Variants in LRMDA observed in about 807,000 individuals in gnomAD.
LRMDA encodes leucine-rich melanocyte differentiation-associated protein.
Under a neutral mutation model 29.8 loss-of-function variants are expected in LRMDA, and 18 were observed. That is an observed-to-expected ratio of 0.60 (90% confidence interval 0.42 to 0.90). The LOEUF (loss-of-function observed/expected upper bound fraction) is 0.90, where lower values mean the gene tolerates loss of function less well. Among genes scored for constraint, LRMDA ranks in the 40% least tolerant of loss-of-function variants. The pLI, the probability that LRMDA is intolerant of heterozygous loss-of-function variation, is 0.00. For synonymous variants in LRMDA, 125 were observed against 109.4 expected (o/e 1.14, Z -0.89); for missense variants, 273 against 273.9 (o/e 1.00, Z 0.02).
At chr10:76,510,080 G>GT (rs1047320348) in intron 6 of LRMDA, among the ~76,000 whole-genome samples, 20 of 152,164 alleles carry the variant, frequency 1.3e-4, no homozygotes, top group African/African-American at 4.6e-4. Flanking sequence ...TTTGTTTGTT[G>GT]TTTTTTCTGA....
Position 76,353,947 on chromosome 10 carries a change from G to T in LRMDA, c.601+29462G>T, listed in dbSNP as rs775233119. Among the ~76,000 whole-genome samples the T allele has an allele frequency of 1.2e-4, 19 of 152,228 alleles. No homozygotes were observed. The Middle Eastern group carries it at 0.01, about 82-fold the overall frequency. On this transcript the variant is annotated intron_variant, in intron 6 of 6. Transcript: ENST00000611255. ...TCTGTGGTCTGCTTTCTGTGATCTG[G>T]AGAATAGAAATGCTGTTCTGTATTT...
chr10:76,442,083 C>T (rs1842309517), intron 6 of LRMDA, among the ~76,000 whole-genome samples: 1 of 152,156 alleles, frequency 6.6e-6, no homozygotes, highest in South Asian at 2.1e-4. Context: ...CTGATGAAAA[C>T]CCTCATAATC....
intron 2 of LRMDA, among the ~76,000 whole-genome samples, chr10:75,729,812 A>G (rs1302052122): frequency 2.6e-5 from 4 of 152,178 alleles, no homozygotes; most frequent in African/African-American, 9.7e-5. Context: ...ATTGTTGTTT[A>G]AAGAGACAGA....
At chr10:76,104,927 A>G (rs1228223841) in intron 5 of LRMDA, among the ~76,000 whole-genome samples, 1 of 152,138 alleles carries the variant, frequency 6.6e-6, no homozygotes, top group Non-Finnish European at 1.5e-5. Context: ...TCTAGAATGT[A>G]CAAAGCAAGC....
chr10:75,621,092 G>A (rs889915570), intron 2 of LRMDA, among the ~76,000 whole-genome samples: 7 of 151,996 alleles, frequency 4.6e-5, no homozygotes, highest in African/African-American at 1.5e-4. Context: ...ACGATGTTTG[G>A]TTTTCCATTC....
intron 6 of LRMDA, among the ~76,000 whole-genome samples, chr10:76,538,331 G>A (rs1843312461): frequency 6.6e-6 from 1 of 151,632 alleles, no homozygotes; most frequent in Non-Finnish European, 1.5e-5. Context: ...GGAAAGCATA[G>A]ATGGACATGT....
intron 2 of LRMDA, among the ~76,000 whole-genome samples, chr10:75,853,145 A>G (rs942290318): frequency 6.6e-6 from 1 of 152,124 alleles, no homozygotes; most frequent in Admixed American, 6.5e-5. Context: ...TATGGGAACT[A>G]CAGTACAAGC....
At chr10:75,611,107 A>G (rs964637548) in intron 2 of LRMDA, among the ~76,000 whole-genome samples, 8 of 151,942 alleles carry the variant, frequency 5.3e-5, no homozygotes, top group African/African-American at 9.7e-5. Flanking sequence ...ACAGGGTGAG[A>G]GGGGCAAGGA....
intron 6 of LRMDA, among the ~76,000 whole-genome samples, chr10:76,443,280 C>T (rs777047623): frequency 1.3e-5 from 2 of 152,200 alleles, no homozygotes; most frequent in Non-Finnish European, 2.9e-5. Flanking sequence ...CTTGCAAATG[C>T]TGTTTTCCAA....
intron 5 of LRMDA, among the ~76,000 whole-genome samples, chr10:76,213,804 T>C (rs1454293451): frequency 6.6e-6 from 1 of 152,210 alleles, no homozygotes; most frequent in African/African-American, 2.4e-5. Context: ...TATTATTCAC[T>C]GGGGGGACAT....
intron 5 of LRMDA, among the ~76,000 whole-genome samples, chr10:76,103,480 A>G (rs1193114322): frequency 6.6e-6 from 1 of 152,202 alleles, no homozygotes; most frequent in Non-Finnish European, 1.5e-5. Flanking sequence ...AGAGCTGCCA[A>G]GGCATTTCCA....
chr10:75,790,668 C>T (rs1843550505), intron 2 of LRMDA, among the ~76,000 whole-genome samples: 1 of 152,216 alleles, frequency 6.6e-6, no homozygotes, highest in South Asian at 2.1e-4. Context: ...GAATCATGCA[C>T]AACTTATATT....
At chr10:76,036,645 C>T (rs1317316904) in intron 3 of LRMDA, among the ~76,000 whole-genome samples, 1 of 152,172 alleles carries the variant, frequency 6.6e-6, no homozygotes, top group Non-Finnish European at 1.5e-5. Flanking sequence ...ACATGTGAAG[C>T]CCAGGCCTGG....
chr10:75,475,973 TCC>T (rs997629848), intron 2 of LRMDA, among the ~76,000 whole-genome samples: 30 of 152,344 alleles, frequency 2.0e-4, no homozygotes, highest in African/African-American at 6.5e-4. Flanking sequence ...AGAGCCGCCC[TCC>T]CTTCTTTCCC....
At chr10:75,436,585 A>T (rs917733989) in intron 1 of LRMDA, among the ~76,000 whole-genome samples, 1 of 151,830 alleles carries the variant, frequency 6.6e-6, no homozygotes, top group African/African-American at 2.4e-5. Context: ...CTCCTACCCT[A>T]GCCTCCTGAG....
intron 2 of LRMDA, among the ~76,000 whole-genome samples, chr10:75,965,187 A>G (rs1250180266): frequency 6.6e-6 from 1 of 152,242 alleles, no homozygotes; most frequent in East Asian, 1.9e-4. Context: ...TAAGGGCTAT[A>G]GAAAGAAGTG....
At chr10:75,917,670 C>T (rs1355925063) in intron 2 of LRMDA, among the ~76,000 whole-genome samples, 1 of 152,086 alleles carries the variant, frequency 6.6e-6, no homozygotes, top group Non-Finnish European at 1.5e-5. Context: ...ACACTGGCCC[C>T]AGAATGGTGC....
At chr10:76,370,860 G>A (rs1841446083) in intron 6 of LRMDA, among the ~76,000 whole-genome samples, 1 of 152,082 alleles carries the variant, frequency 6.6e-6, no homozygotes. Flanking sequence ...GAGGATGGAA[G>A]GTCTGTCTAT....
In LRMDA at chr10:75,918,752, GGAGCATAGA is replaced by G. The variant is rs572224124; in HGVS notation, c.132-117245_132-117237del. Among the ~76,000 whole-genome samples, 25 of 152,302 alleles carry G rather than the reference GGAGCATAGA, an allele frequency of 1.6e-4. No individual in the cohort carries two copies. In the South Asian group the frequency reaches 5.0e-3, roughly 30 times the overall value. On this transcript the variant is annotated intron_variant, in intron 2 of 6. Transcript: ENST00000611255. ...GGTGGAGAAGAGGGGCTTTGACTTT[GGAGCATAGA>G]GAGCATAGAGTAGGTAAGTATGAAT...
Sources: allele counts gnomAD v4.1 joint callset (sites outside exome capture counted in the v4.1 genomes callset), GRCh38; gene constraint gnomAD v4.1.1; transcripts MANE v1.5; gene names NCBI Gene and HGNC (gene_info 2026-07-23, HGNC 2026-07-21).